Variants in PPM1K observed in about 807,000 individuals in gnomAD.
PPM1K encodes the protein protein phosphatase, Mg2+/Mn2+ dependent 1K, also known as protein phosphatase Mn(2+)-dependent 1K.
PPM1K carries 19 observed loss-of-function variants against 32.6 expected under a neutral mutation model. The ratio of observed to expected loss-of-function variants is 0.58; its 90% CI spans 0.41 to 0.86. The LOEUF (loss-of-function observed/expected upper bound fraction) is 0.86, where lower values mean the gene tolerates loss of function less well. Among genes scored for constraint, PPM1K ranks in the 40% least tolerant of loss-of-function variants. PPM1K has a pLI of 0.00. For synonymous variants in PPM1K, 159 were observed against 165.3 expected (o/e 0.96, Z 0.29); for missense variants, 362 against 461.2 (o/e 0.78, Z 1.97).
Position 88,259,315 on chromosome 4 carries a change from G to A in PPM1K, c.*3280C>T, listed in dbSNP as rs1044564600. The A allele has an allele frequency of 6.6e-6, 1 of 151,556 alleles. No individual in the cohort carries two copies. Among genetic ancestry groups the A allele is most frequent in the Non-Finnish European group, 1.5e-5 (1 of 67,952 alleles). 9.4% of individuals were successfully genotyped at this position (151,556 alleles called of 1,614,324 possible). ...AATCTGTAACAAACGAACAGCTGAT[G>A]GAGAACAGGACAGCATTTACTTCTG... On this transcript the variant is annotated 3_prime_UTR_variant, in exon 7 of 7. Transcript: ENST00000608933.
rs542831006 is a variant in PPM1K, at chr4:88,272,965, T to G, written c.542-4059A>C. Among the ~76,000 whole-genome samples, 66 of 152,332 alleles carry G rather than the reference T, an allele frequency of 4.3e-4. No homozygotes were observed. The South Asian group carries it at 0.013, about 30-fold the overall frequency. ...TGAAAGGACTGAATGCACATAAAAG[T>G]CTCTTGCCCACGCTGAACTCACACA... On this transcript the variant is annotated intron_variant, in intron 3 of 6. Coordinates refer to ENST00000608933, the MANE Select transcript of PPM1K (RefSeq NM_152542.5).
At chr4:88,282,985 A>G (rs1285419292) in intron 1 of PPM1K, among the ~76,000 whole-genome samples, 1 of 152,246 alleles carries the variant, frequency 6.6e-6, no homozygotes, top group East Asian at 1.9e-4. Flanking sequence ...TAAGGTTGCA[A>G]GAAAAAATTA....
intron 4 of PPM1K, among the ~76,000 whole-genome samples, 191 bp downstream of exon 4, chr4:88,268,550 G>A (rs1731429462): frequency 6.6e-6 from 1 of 152,170 alleles, no homozygotes; most frequent in South Asian, 2.1e-4. Flanking sequence ...GAACCCGGGA[G>A]GTGGAGCTTG....
intron 1 of PPM1K, among the ~76,000 whole-genome samples, chr4:88,280,793 G>T (rs1343016896): frequency 6.6e-6 from 1 of 152,110 alleles, no homozygotes; most frequent in South Asian, 2.1e-4. Flanking sequence ...AGGCTGCAGT[G>T]AGCTAAGATC....
rs758847883 is a variant in PPM1K, at chr4:88,265,038, T to C, written c.950A>G (p.His317Arg). Residue 317 changes from histidine to arginine, a missense_variant, in exon 6 of 7, where the codon CAT (histidine) becomes CGT (arginine). By Grantham distance (29) the His-to-Arg change is conservative (BLOSUM62 0). Transcript: ENST00000608933. Reference protein sequence around the residue: ...QEICDFVNQCHDPNEAAHAVT... With the variant: ...QEICDFVNQCRDPNEAAHAVT... ...CGCATGGGCTGCTTCGTTGGGATCA[T>C]GGCACTGATTGACAAAGTCACAAAT... 17 of 1,614,082 alleles carry C rather than the reference T, an allele frequency of 1.1e-5. No homozygotes were observed. The highest frequency in any genetic ancestry group is 1.7e-5 in the Admixed American group (1 of 60,008).
In PPM1K at chr4:88,265,017, T is replaced by C. The variant is rs1731250018; in HGVS notation, c.971A>G (p.His324Arg). Residue 324 changes from histidine (H) to arginine (R), a missense_variant, in exon 6 of 7, where the codon CAT becomes CGT. His to Arg is a conservative substitution (Grantham distance 29). Transcript: ENST00000608933. ...NQCHDPNEAA[H>R]AVTEQAIQYG... ...CTGGGTCACCTGTTCAGTCACCGCA[T>C]GGGCTGCTTCGTTGGGATCATGGCA... 6 of 1,614,198 alleles carry C rather than the reference T, an allele frequency of 3.7e-6. No homozygotes were observed. The highest frequency in any genetic ancestry group is 5.1e-6 in the Non-Finnish European group (6 of 1,180,030).
At chr4:88,281,516 C>T (rs1303935010) in intron 1 of PPM1K, among the ~76,000 whole-genome samples, 1 of 152,172 alleles carries the variant, frequency 6.6e-6, no homozygotes, top group Non-Finnish European at 1.5e-5. Context: ...AATCATCAAC[C>T]TGGCATCCTT....
intron 2 of PPM1K, 24 bp from the exon 3 acceptor site, chr4:88,277,267 C>G (rs752125468): frequency 2.0e-6 from 3 of 1,489,104 alleles, no homozygotes; most frequent in South Asian, 2.3e-5. Context: ...AAAAAAAGAG[C>G]CTTAAACAAT....
At position 88,260,657 on chromosome 4, in the gene PPM1K, A is replaced by G. The variant is rs548564060; in HGVS notation, c.*1938T>C. On this transcript the variant is annotated 3_prime_UTR_variant, in exon 7 of 7. Transcript: ENST00000608933. ...GGCAATTCCTGATTAATATAGGCAGAAAAACTCAAGATTTATCTTCTTCCA... is the reference window on the plus strand; with the variant it reads ...GGCAATTCCTGATTAATATAGGCAGGAAAACTCAAGATTTATCTTCTTCCA... 1.3e-5 allele frequency: 2 copies of G among 152,298 alleles called. No individual in the cohort carries two copies. Among genetic ancestry groups the G allele is most frequent in the Admixed American group, 1.3e-4 (2 of 15,290 alleles). The allele number at this position is 152,298 out of a possible 1,614,324, so 9.4% of individuals were successfully genotyped here. A position where few individuals can be genotyped will look rare whatever the true frequency, so the allele number is the denominator to read the frequency against.
chr4:88,277,196 G>A lies in PPM1K; in HGVS notation c.488C>T (p.Ala163Val). 1 of 1,614,026 alleles carries A rather than the reference G, an allele frequency of 6.2e-7. No individual in the cohort carries two copies. The highest frequency in any genetic ancestry group is 1.7e-4 in the Middle Eastern group (1 of 6,060). The change falls in exon 3 of 7, where the codon GCT becomes GTT. Residue 163 changes from alanine to valine, a missense_variant. Physicochemically the swap from Ala to Val is moderately conservative, Grantham distance 64. Coordinates refer to ENST00000608933, the MANE Select transcript of PPM1K (RefSeq NM_152542.5). ...EKNLETLLTL[A>V]FLEIDKAFSS... ...AAAGGCTTTATCTATTTCTAGAAAA[G>A]CCAAGGTCAACAGAGTTTCCAAGTT...
At chr4:88,265,865 C>T (rs1162231223) in intron 5 of PPM1K, among the ~76,000 whole-genome samples, 1 of 152,118 alleles carries the variant, frequency 6.6e-6, no homozygotes, top group Non-Finnish European at 1.5e-5. Flanking sequence ...TCCAGATAGC[C>T]CAATGGTGAG....
In PPM1K at chr4:88,260,879, A is replaced by G. The variant is rs567173617; in HGVS notation, c.*1716T>C. 1 of 152,078 alleles carries G rather than the reference A, an allele frequency of 6.6e-6. No individual in the cohort carries two copies. Among genetic ancestry groups the G allele is most frequent in the East Asian group, 1.9e-4 (1 of 5,200 alleles). The allele number at this position is 152,078 out of a possible 1,614,324, so 9.4% of individuals were successfully genotyped here. On this transcript the variant is annotated 3_prime_UTR_variant, in exon 7 of 7. Transcript: ENST00000608933. Reference sequence around the variant, plus strand: ...AGATTCAGTATTTTTCTCACATCCTATTACTTTATATACAAATTGCCATAT... The same window carrying G: ...AGATTCAGTATTTTTCTCACATCCTGTTACTTTATATACAAATTGCCATAT...
At position 88,261,059 on chromosome 4, in the gene PPM1K, T is replaced by A. The variant is rs1389918237; in HGVS notation, c.*1536A>T. 1 of 152,206 alleles carries A rather than the reference T, an allele frequency of 6.6e-6. No homozygotes were observed. The highest frequency in any genetic ancestry group is 2.4e-5 in the African/African-American group (1 of 41,468). The allele number at this position is 152,206 out of a possible 1,614,324, so 9.4% of individuals were successfully genotyped here. A position where few individuals can be genotyped will look rare whatever the true frequency, so the allele number is the denominator to read the frequency against. On this transcript the variant is annotated 3_prime_UTR_variant, in exon 7 of 7. Transcript: ENST00000608933. ...CAAGATTGTTCCCTTTAATTTTATA[T>A]TACTCTAAAATATACATATGTACAC...
At chr4:88,266,850 G>C (rs1400161160) in intron 5 of PPM1K, among the ~76,000 whole-genome samples, 3 of 151,684 alleles carry the variant, frequency 2.0e-5, no homozygotes, top group Non-Finnish European at 4.4e-5. Flanking sequence ...TTGGCTGATT[G>C]GGTGCAGGTG....
chr4:88,269,006 G>A, intron 3 of PPM1K, 100 bp from the exon 4 acceptor site: 2 of 983,710 alleles, frequency 2.0e-6, no homozygotes, highest in South Asian at 3.3e-5. Context: ...ATAAACTAAT[G>A]CTGGAATATA....
chr4:88,272,535 T>C (rs2110164003), intron 3 of PPM1K, among the ~76,000 whole-genome samples: 1 of 152,328 alleles, frequency 6.6e-6, no homozygotes, highest in Non-Finnish European at 1.5e-5. Context: ...TTTTCTACCA[T>C]CTAGTTTGTT....
chr4:88,277,304 C>A, intron 2 of PPM1K, 61 bp from the exon 3 acceptor site: 2 of 1,130,672 alleles, frequency 1.8e-6, no homozygotes, highest in Non-Finnish European at 2.7e-6. Flanking sequence ...TTTCTCCTCA[C>A]TGTTACTCTA....
At chr4:88,282,167 A>G (rs1732040487) in intron 1 of PPM1K, among the ~76,000 whole-genome samples, 1 of 152,206 alleles carries the variant, frequency 6.6e-6, no homozygotes. Flanking sequence ...AAACATGGCT[A>G]GTTTATTTTT....
Position 88,265,047 on chromosome 4 carries a change from T to C in PPM1K, c.941A>G (p.Asn314Ser), listed in dbSNP as rs770858703. The C allele has an allele frequency of 5.0e-6, 8 of 1,614,060 alleles. No homozygotes were observed. The Admixed American group carries it at 5.0e-5, about 10-fold the overall frequency. The change falls in exon 6 of 7, where the codon AAT becomes AGT. Residue 314 changes from asparagine (N) to serine (S), a missense_variant. By Grantham distance (46) the Asn-to-Ser change is conservative (BLOSUM62 1). Transcript: ENST00000608933. ...VNSQEICDFV[N>S]QCHDPNEAAH... ...TGCTTCGTTGGGATCATGGCACTGA[T>C]TGACAAAGTCACAAATCTCTTGACT...
Sources: allele counts gnomAD v4.1 joint callset (sites outside exome capture counted in the v4.1 genomes callset), GRCh38; gene constraint gnomAD v4.1.1; transcripts MANE v1.5; gene names NCBI Gene and HGNC (gene_info 2026-07-23, HGNC 2026-07-21).